The following ESR1 variants were observed in gnomAD, a reference collection of about 807,000 sequenced individuals.
ESR1 encodes estrogen receptor.
Under a neutral mutation model 52.7 loss-of-function variants are expected in ESR1, and 12 were observed. The ratio of observed to expected loss-of-function variants is 0.23; its 90% confidence interval spans 0.15 to 0.37. The LOEUF is 0.37. Among genes scored for constraint, ESR1 ranks in the 10% least tolerant of loss-of-function variants. ESR1 has a pLI of 1.00. For synonymous variants in ESR1, 305 were observed against 316.8 expected (o/e 0.96, Z 0.39); for missense variants, 584 against 779.7 (o/e 0.75, Z 2.99).
chr6:151,918,908 A>G (rs1249872250), intron 3 of ESR1, among the ~76,000 whole-genome samples: 1 of 152,172 alleles, frequency 6.6e-6, no homozygotes. Flanking sequence ...ACTGATCCTA[A>G]CTTATTTCTT....
chr6:152,043,456 T>C (rs1562715506), intron 5 of ESR1, among the ~76,000 whole-genome samples: 1 of 152,192 alleles, frequency 6.6e-6, no homozygotes, highest in Non-Finnish European at 1.5e-5. Context: ...TTTTGGAGTG[T>C]AGCGCACCTC....
In ESR1 at chr6:151,842,747, C is replaced by G. The variant is rs1023093115; in HGVS notation, c.603C>G (p.Ser201=). The change falls in exon 2 of 8, where the codon TCC becomes TCG. Residue 201 remains serine, a synonymous_variant. Transcript: ENST00000206249. The part of the protein sequence containing the change: ...YASGYHYGVW[S]CEGCKAFFKR... The stretch of plus-strand genomic sequence containing the variant: ...CAGGCTACCATTATGGAGTCTGGTC[C>G]TGTGAGGGCTGCAAGGCCTTCTTCA... 3 of 1,613,828 alleles carry G rather than the reference C, an allele frequency of 1.9e-6. No individual in the cohort carries two copies. The highest frequency in any genetic ancestry group is 2.7e-5 in the African/African-American group (2 of 74,912).
intron 4 of ESR1, among the ~76,000 whole-genome samples, chr6:151,996,069 G>A (rs1184420481): frequency 1.3e-5 from 2 of 152,112 alleles, no homozygotes; most frequent in East Asian, 3.9e-4. Context: ...TCCCTGCACT[G>A]CCATTTCATT....
chr6:151,698,876 T>C (rs1343050814), intron 1 of ESR1, among the ~76,000 whole-genome samples: 1 of 152,214 alleles, frequency 6.6e-6, no homozygotes, highest in Non-Finnish European at 1.5e-5. Context: ...ACACTGCTCT[T>C]GTCCGTTTGA....
At chr6:151,900,561 A>AT (rs1796517722) in intron 3 of ESR1, among the ~76,000 whole-genome samples, 1 of 152,026 alleles carries the variant, frequency 6.6e-6, no homozygotes, top group African/African-American at 2.4e-5. Context: ...GTTCCTTCTC[A>AT]TTTGGTAGGC....
intron 1 of ESR1, among the ~76,000 whole-genome samples, chr6:151,700,232 C>T (rs1160639705): frequency 1.1e-4 from 16 of 152,110 alleles, no homozygotes; most frequent in Admixed American, 9.8e-4. Context: ...GTGGAGGAAG[C>T]CCATATAATC....
intron 3 of ESR1, among the ~76,000 whole-genome samples, chr6:151,920,087 A>G (rs2031301094): frequency 6.6e-6 from 1 of 152,078 alleles, no homozygotes; most frequent in Admixed American, 6.6e-5. Flanking sequence ...TGACAACTTT[A>G]ATTTTTCATC....
At chr6:151,945,348 GA>G (rs1478474170) in intron 4 of ESR1, among the ~76,000 whole-genome samples, 35 of 152,354 alleles carry the variant, frequency 2.3e-4, no homozygotes, top group South Asian at 2.1e-3. Flanking sequence ...AGGAGAAAGA[GA>G]AAGGCAATGG....
chr6:151,990,402 T>A (rs7754762), intron 4 of ESR1, among the ~76,000 whole-genome samples: 29,439 of 151,984 alleles, frequency 0.19, 3,930 homozygotes, highest in African/African-American at 0.36. Flanking sequence ...TTCCTTGTTG[T>A]TGGGTGACTC....
intron 2 of ESR1, among the ~76,000 whole-genome samples, chr6:151,860,560 T>C (rs1168684445): frequency 6.6e-6 from 1 of 152,164 alleles, no homozygotes; most frequent in African/African-American, 2.4e-5. Context: ...CACATGTACA[T>C]ATGTATATAC....
At chr6:151,842,451 A>G in intron 1 of ESR1, 146 bp from the exon 2 acceptor site, 2 of 801,878 alleles carry the variant, frequency 2.5e-6, no homozygotes, top group Non-Finnish European at 4.2e-6. Flanking sequence ...TTTTGCTGCA[A>G]CAGACGGCAA....
exon 7 of ESR1, chr6:152,128,968 T>C (rs995616315): frequency 3.3e-5 from 5 of 152,226 alleles, no homozygotes; most frequent in Non-Finnish European, 7.3e-5. Flanking sequence ...CAGGTGAAGA[T>C]TATTTATGTT....
intron 5 of ESR1, among the ~76,000 whole-genome samples, chr6:152,040,527 C>T (rs2045701758): frequency 6.6e-6 from 1 of 152,174 alleles, no homozygotes; most frequent in Admixed American, 6.5e-5. Flanking sequence ...CTTTCAAGTC[C>T]CTGACCATCC....
At chr6:151,795,871 C>T (rs1448846418) in intron 2 of ESR1, among the ~76,000 whole-genome samples, 1 of 151,866 alleles carries the variant, frequency 6.6e-6, no homozygotes, top group Non-Finnish European at 1.5e-5. Flanking sequence ...AAGATGTGGC[C>T]GGGTGCGGTG....
intron 6 of ESR1, among the ~76,000 whole-genome samples, chr6:152,064,678 A>G (rs759075300): frequency 2.6e-5 from 4 of 152,008 alleles, no homozygotes; most frequent in Non-Finnish European, 5.9e-5. Flanking sequence ...CTCACTCTTT[A>G]TGCATGTATT....
At chr6:152,065,658 C>T (rs2047907704) in intron 6 of ESR1, among the ~76,000 whole-genome samples, 1 of 152,134 alleles carries the variant, frequency 6.6e-6, no homozygotes, top group African/African-American at 2.4e-5. Context: ...ACCATGATTC[C>T]AGCCCTCTGT....
At chr6:151,912,047 A>C (rs1166403881) in intron 3 of ESR1, among the ~76,000 whole-genome samples, 1 of 152,232 alleles carries the variant, frequency 6.6e-6, no homozygotes, top group African/African-American at 2.4e-5. Flanking sequence ...TCAAGTGCTC[A>C]GTAGCTACAA....
intron 3 of ESR1, among the ~76,000 whole-genome samples, chr6:151,937,459 G>A (rs1157598418): frequency 1.3e-5 from 2 of 152,146 alleles, no homozygotes; most frequent in Non-Finnish European, 2.9e-5. Context: ...CTGAAGATAG[G>A]CAAGGTGACA....
intron 2 of ESR1, among the ~76,000 whole-genome samples, chr6:151,703,507 C>T (rs1779949874): frequency 6.6e-6 from 1 of 152,150 alleles, no homozygotes; most frequent in Non-Finnish European, 1.5e-5. Flanking sequence ...AATGAGCTCT[C>T]CTGTGAATCA....
Sources: allele counts gnomAD v4.1 joint callset (sites outside exome capture counted in the v4.1 genomes callset), GRCh38; gene constraint gnomAD v4.1.1; transcripts MANE v1.5; gene names NCBI Gene and HGNC (gene_info 2026-07-23, HGNC 2026-07-21).